The following DLGAP2 variants were observed in gnomAD, a reference collection of about 807,000 sequenced individuals.
The protein encoded by DLGAP2 is disks large-associated protein 2.
In DLGAP2, 26 loss-of-function variants were observed where a neutral mutation model predicts 100.3. The ratio of observed to expected loss-of-function variants is 0.26; its 90% CI spans 0.19 to 0.36. The LOEUF is 0.36. Ranked by LOEUF, DLGAP2 falls within the 10% of genes least tolerant of loss-of-function variation. The probability of loss-of-function intolerance (pLI) is 1.00; values close to 1 mark genes in which losing one functional copy is unlikely to be tolerated. For synonymous variants in DLGAP2, 886 were observed against 630.1 expected, an observed-to-expected ratio of 1.41 and a Z score of -6.08; for missense variants, 1,858 against 1,453.2, an observed-to-expected ratio of 1.28 and a Z score of -4.53.
At chr8:1,100,781 G>T (rs1804553018) in intron 2 of DLGAP2, among the ~76,000 whole-genome samples, 1 of 152,198 alleles carries the variant, frequency 6.6e-6, no homozygotes, top group African/African-American at 2.4e-5. Flanking sequence ...AGAAGGAGGG[G>T]CTGCTGAGAA....
Position 754,501 on chromosome 8 carries a change from G to A in DLGAP2, c.18+16676G>A, listed in dbSNP as rs535347158. Among the ~76,000 whole-genome samples the A allele has an allele frequency of 1.2e-4, 18 of 152,270 alleles. No homozygotes were observed. In the East Asian group the frequency reaches 1.5e-3, roughly 13 times the overall value. Reference sequence around the variant, plus strand: ...AATGGTTGCAGTGTCATTATCTTACGTTCCTGAAGCTAGGAATAATATTAC... The same window carrying A: ...AATGGTTGCAGTGTCATTATCTTACATTCCTGAAGCTAGGAATAATATTAC... On this transcript the variant is annotated intron_variant, in intron 1 of 14. Coordinates refer to ENST00000637795, the MANE Select transcript of DLGAP2 (RefSeq NM_001346810.2).
chr8:1,653,305 G>C (rs1308690288), intron 8 of DLGAP2, among the ~76,000 whole-genome samples: 1 of 152,200 alleles, frequency 6.6e-6, no homozygotes, highest in East Asian at 1.9e-4. Flanking sequence ...CCTGCGGGTG[G>C]GGTAGGGAGC....
chr8:1,152,649 C>A (rs969849281), intron 2 of DLGAP2, among the ~76,000 whole-genome samples: 25 of 152,256 alleles, frequency 1.6e-4, no homozygotes, highest in African/African-American at 5.5e-4. Context: ...GCCTGCAGGG[C>A]CTCCTAGGAT....
intron 3 of DLGAP2, among the ~76,000 whole-genome samples, chr8:1,487,139 C>G (rs1036615228): frequency 1.3e-5 from 2 of 152,028 alleles, no homozygotes; most frequent in Non-Finnish European, 2.9e-5. Flanking sequence ...TGCGAGTAAA[C>G]TTGACATGTG....
intron 3 of DLGAP2, among the ~76,000 whole-genome samples, chr8:1,407,535 AGT>A: frequency 7.4e-6 from 1 of 135,962 alleles, no homozygotes; most frequent in African/African-American, 2.7e-5. Flanking sequence ...TCGTGTATTG[AGT>A]GCTTACTGAG....
intron 3 of DLGAP2, among the ~76,000 whole-genome samples, chr8:1,353,004 C>T (rs1454796358): frequency 6.6e-6 from 1 of 152,172 alleles, no homozygotes; most frequent in African/African-American, 2.4e-5. Flanking sequence ...CAGATTTTGA[C>T]TCAGCCGAAG....
At chr8:963,120 C>T (rs186380347) in intron 2 of DLGAP2, among the ~76,000 whole-genome samples, 10 of 152,148 alleles carry the variant, frequency 6.6e-5, no homozygotes, top group Admixed American at 2.6e-4. Context: ...GCAGCAACAG[C>T]GGTCACCCCT....
chr8:1,143,107 G>T (rs553531235), intron 2 of DLGAP2, among the ~76,000 whole-genome samples: 1 of 152,206 alleles, frequency 6.6e-6, no homozygotes, highest in African/African-American at 2.4e-5. Flanking sequence ...TGTTAGCGCA[G>T]CGGCCACCCT....
intron 2 of DLGAP2, among the ~76,000 whole-genome samples, chr8:1,231,658 A>C (rs1223561223): frequency 6.6e-6 from 1 of 152,218 alleles, no homozygotes; most frequent in Non-Finnish European, 1.5e-5. Flanking sequence ...CCATAAAAAG[A>C]ATGAAATCGT....
intron 3 of DLGAP2, among the ~76,000 whole-genome samples, chr8:1,479,307 G>C (rs1276129520): frequency 6.6e-6 from 1 of 152,230 alleles, no homozygotes; most frequent in Non-Finnish European, 1.5e-5. Context: ...TAAGATGCTG[G>C]GCGCAGGGAT....
intron 13 of DLGAP2, among the ~76,000 whole-genome samples, chr8:1,692,744 G>A (rs570893923): frequency 1.3e-5 from 2 of 152,040 alleles, no homozygotes; most frequent in Admixed American, 6.5e-5. Context: ...TTTTATAGTC[G>A]GTAGTGAAAC....
At chr8:980,751 A>T (rs1800308053) in intron 2 of DLGAP2, among the ~76,000 whole-genome samples, 1 of 152,040 alleles carries the variant, frequency 6.6e-6, no homozygotes, top group Non-Finnish European at 1.5e-5. Flanking sequence ...GGAGACAGAG[A>T]TGCAGGATAG....
intron 3 of DLGAP2, among the ~76,000 whole-genome samples, chr8:1,260,987 G>A (rs1004836792): frequency 2.0e-5 from 3 of 152,238 alleles, no homozygotes; most frequent in Non-Finnish European, 4.4e-5. Flanking sequence ...CACACATACT[G>A]TCGGCTCCCA....
intron 3 of DLGAP2, among the ~76,000 whole-genome samples, chr8:1,269,921 C>G (rs762149056): frequency 1.3e-5 from 2 of 152,312 alleles, no homozygotes; most frequent in South Asian, 2.1e-4. Context: ...TCTTCATCTC[C>G]TCTTCATGGA....
At chr8:761,976 G>A (rs1351180210) in intron 1 of DLGAP2, among the ~76,000 whole-genome samples, 4 of 152,212 alleles carry the variant, frequency 2.6e-5, no homozygotes, top group East Asian at 1.9e-4. Flanking sequence ...AAGAAAACCC[G>A]AGGAGGAACT....
chr8:815,779 A>G lies in DLGAP2; in HGVS notation c.18+77954A>G, dbSNP rs1227467484. Among the ~76,000 whole-genome samples the G allele has an allele frequency of 2.0e-5, 3 of 152,328 alleles. No individual in the cohort carries two copies. The East Asian group carries it at 5.8e-4, about 29-fold the overall frequency. ...TGGCAAGTTAACAGAGGCCATACTG[A>G]AAGGAGGACAAGAGGATACAAAAGA... On this transcript the variant is annotated intron_variant, in intron 1 of 14. Transcript: ENST00000637795.
At chr8:1,180,775 C>T (rs956710423) in intron 2 of DLGAP2, among the ~76,000 whole-genome samples, 1 of 151,650 alleles carries the variant, frequency 6.6e-6, no homozygotes, top group East Asian at 2.0e-4. Context: ...CAGTTACTGT[C>T]GAGTGTGTGT....
chr8:1,533,314 T>C (rs1040723158), intron 4 of DLGAP2, among the ~76,000 whole-genome samples: 9 of 151,850 alleles, frequency 5.9e-5, no homozygotes, highest in South Asian at 2.1e-4. Flanking sequence ...CTGGCTAACA[T>C]GGTGAAACCC....
intron 3 of DLGAP2, among the ~76,000 whole-genome samples, chr8:1,364,246 C>T (rs1280229002): frequency 6.6e-6 from 1 of 152,190 alleles, no homozygotes; most frequent in African/African-American, 2.4e-5. Flanking sequence ...GGTTTTGCCT[C>T]AGGTGGCCTT....
Sources: gnomAD v4.1 joint callset for allele counts (sites outside exome capture counted in the v4.1 genomes callset) on GRCh38, gnomAD v4.1.1 for gene constraint, MANE v1.5 for transcripts, NCBI Gene and HGNC (gene_info 2026-07-23, HGNC 2026-07-21) for gene names.